Variants in SNX14 observed in about 807,000 individuals in gnomAD.
The protein encoded by SNX14 is sorting nexin 14, also known as sorting nexin-14.
A neutral mutation model predicts 133.8 loss-of-function variants in SNX14; 93 were observed. That is an observed-to-expected ratio of 0.70 (90% CI 0.59 to 0.83). The LOEUF is 0.83. Among genes scored for constraint, SNX14 ranks in the 40% least tolerant of loss-of-function variants. The probability of loss-of-function intolerance (pLI) is 0.00; values close to 1 mark genes in which losing one functional copy is unlikely to be tolerated. For missense variants in SNX14, 945 were observed against 1,094.9 expected (o/e 0.86, Z 1.93); for synonymous variants, 368 against 365.6 (o/e 1.01, Z -0.07).
At chr6:85,588,871 G>A (rs898920094) in intron 1 of SNX14, 10 of 454,770 alleles carry the variant, frequency 2.2e-5, no homozygotes, top group Non-Finnish European at 4.4e-5. Flanking sequence ...ACTATTAAGT[G>A]GAAGTGGATT....
intron 8 of SNX14, among the ~76,000 whole-genome samples, chr6:85,549,168 T>C (rs1226650398): frequency 6.6e-6 from 1 of 151,956 alleles, no homozygotes; most frequent in Non-Finnish European, 1.5e-5. Context: ...AAACAAAAAG[T>C]AGTATTTAAA....
In SNX14 at chr6:85,572,136, C is replaced by A. The variant is rs1795823579; in HGVS notation, c.417+1G>T. On this transcript the variant is annotated splice_donor_variant, in intron 4 of 28. Transcript: ENST00000314673. LOFTEE classifies it high-confidence loss of function. ...TTAATAATATTAATTAAATCAGTTACCTCTGAGAGAGATGCATCAACCTTG... is the reference window on the plus strand; with the variant it reads ...TTAATAATATTAATTAAATCAGTTAACTCTGAGAGAGATGCATCAACCTTG... 2 of 1,610,466 alleles carry A rather than the reference C, an allele frequency of 1.2e-6. No individual in the cohort carries two copies. The highest frequency in any genetic ancestry group is 1.7e-6 in the Non-Finnish European group (2 of 1,178,260).
rs1310667546 is a variant in SNX14, at chr6:85,514,175, G to A, written c.2452C>T (p.Leu818Phe). 1.2e-6 allele frequency: 2 copies of A among 1,613,944 alleles called. No homozygotes were observed. Among genetic ancestry groups the A allele is most frequent in the Non-Finnish European group, 1.7e-6 (2 of 1,179,948 alleles). ...LHHLLMGTRI[L>F]FKNTLEMYTD... ...TACATTTCCAGGGTGTTTTTAAAGA[G>A]GATTCGAGTTCCCATTAAGAGATGA... Residue 818 changes from leucine (L) to phenylalanine (F), a missense_variant, in exon 25 of 29, where the codon CTC becomes TTC. Physicochemically the swap from Leu to Phe is conservative, Grantham distance 22. Coordinates refer to ENST00000314673, the MANE Select transcript of SNX14 (RefSeq NM_153816.6).
intron 21 of SNX14, 41 bp downstream of exon 21, chr6:85,526,085 T>C: frequency 1.5e-6 from 2 of 1,302,984 alleles, no homozygotes; most frequent in Non-Finnish European, 2.1e-6. Flanking sequence ...GCTGATTCTT[T>C]TCAGCTTATT....
At chr6:85,559,281 G>C (rs182579135) in intron 6 of SNX14, among the ~76,000 whole-genome samples, 92 of 152,028 alleles carry the variant, frequency 6.1e-4, no homozygotes, top group African/African-American at 2.0e-3. Context: ...ATTTGCCCTT[G>C]GCCACTTGGT....
chr6:85,558,182 A>G (rs1790361148), intron 6 of SNX14, 122 bp from the exon 7 acceptor site: 1 of 583,182 alleles, frequency 1.7e-6, no homozygotes, highest in Non-Finnish European at 3.0e-6. Context: ...TCTTTCAAAA[A>G]TAACACTTTA....
intron 18 of SNX14, among the ~76,000 whole-genome samples, 186 bp from the exon 19 acceptor site, chr6:85,530,461 ATGG>A (rs918254179): frequency 1.1e-4 from 16 of 152,280 alleles, no homozygotes; most frequent in African/African-American, 3.6e-4. Flanking sequence ...TCTTGCCAAC[ATGG>A]TGAAATCCCG....
intron 9 of SNX14, among the ~76,000 whole-genome samples, chr6:85,547,862 T>C (rs1327595125): frequency 1.3e-5 from 2 of 152,212 alleles, no homozygotes; most frequent in African/African-American, 2.4e-5. Context: ...CATCAATGGA[T>C]GAACAGATAA....
At chr6:85,574,529 A>C in intron 1 of SNX14, 151 bp from the exon 2 acceptor site, 1 of 541,962 alleles carries the variant, frequency 1.8e-6, no homozygotes, top group Non-Finnish European at 3.2e-6. Flanking sequence ...TAATGTATTA[A>C]ATACAAGAAT....
At chr6:85,540,876 C>T (rs1783488498) in intron 15 of SNX14, among the ~76,000 whole-genome samples, 1 of 151,336 alleles carries the variant, frequency 6.6e-6, no homozygotes, top group Non-Finnish European at 1.5e-5. Flanking sequence ...TGGAAGGTGT[C>T]TAGATGTTTG....
At chr6:85,515,933 C>T (rs902458711) in intron 23 of SNX14, among the ~76,000 whole-genome samples, 2 of 152,186 alleles carry the variant, frequency 1.3e-5, no homozygotes, top group African/African-American at 2.4e-5. Context: ...TTTATTACAT[C>T]TGTTGACAAT....
chr6:85,518,071 A>G, intron 21 of SNX14, 23 bp from the exon 22 acceptor site: 1 of 1,583,188 alleles, frequency 6.3e-7, no homozygotes, highest in Non-Finnish European at 8.6e-7. Flanking sequence ...GTAAAACATT[A>G]TTTTAGGAAG....
chr6:85,572,088 C>T (rs747420269), intron 4 of SNX14, 49 bp downstream of exon 4: 18 of 1,497,874 alleles, frequency 1.2e-5, no homozygotes, highest in Non-Finnish European at 1.6e-5. Context: ...GAAAATTTTT[C>T]CACAGGCATT....
At position 85,549,808 on chromosome 6, in the gene SNX14, T is replaced by C; in HGVS notation, c.706A>G (p.Ser236Gly). ...AAATAGTGCAATTCATCTCTTCGACTTCTCAAAGCAACATGAAGCTCTGGA... is the reference window on the plus strand; with the variant it reads ...AAATAGTGCAATTCATCTCTTCGACCTCTCAAAGCAACATGAAGCTCTGGA... ...YGPELHVALR[S>G]RRDELHYLRK... The change falls in exon 8 of 29, where the codon AGT (serine) becomes GGT (glycine). Residue 236 changes from serine to glycine, a missense_variant. By Grantham distance (56) the Ser-to-Gly change is moderately conservative (BLOSUM62 0). Around this residue, in one of 3 missense-constraint regions of SNX14, gnomAD observed 514 missense variants for 538.8 expected, o/e 0.95. Coordinates refer to ENST00000314673, the MANE Select transcript of SNX14 (RefSeq NM_153816.6). 2 of 1,614,034 alleles carry C rather than the reference T, an allele frequency of 1.2e-6. No individual in the cohort carries two copies. The highest frequency in any genetic ancestry group is 1.7e-6 in the Non-Finnish European group (2 of 1,179,940).
chr6:85,528,578 T>G (rs551668036), intron 19 of SNX14, among the ~76,000 whole-genome samples: 1 of 152,306 alleles, frequency 6.6e-6, no homozygotes, highest in East Asian at 1.9e-4. Flanking sequence ...AATATTACTC[T>G]TGTAACAATC....
Position 85,526,114 on chromosome 6 carries a change from A to C in SNX14, c.2107+12T>G. ...GCTTATTATCTTATAATGATTCTTT[A>C]AATTGACTTACCAAGATTTACATCT... On this transcript the variant is annotated intron_variant, in intron 21 of 28. Coordinates refer to ENST00000314673, the MANE Select transcript of SNX14 (RefSeq NM_153816.6). The C allele has an allele frequency of 1.4e-6, 2 of 1,475,634 alleles. No homozygotes were observed. The highest frequency in any genetic ancestry group is 1.8e-4 in the Middle Eastern group (1 of 5,618). 91.4% of individuals were successfully genotyped at this position (1,475,634 alleles called of 1,614,324 possible). A position where few individuals can be genotyped will look rare whatever the true frequency, so the allele number is the denominator to read the frequency against.
At chr6:85,514,273 T>C (rs377568125) in intron 24 of SNX14, 39 bp from the exon 25 acceptor site, 9 of 1,565,914 alleles carry the variant, frequency 5.7e-6, no homozygotes, top group African/African-American at 4.1e-5. Flanking sequence ...TTGTTCCAGA[T>C]GAATTGGTAT....
At chr6:85,555,813 A>T (rs1320987495) in intron 7 of SNX14, among the ~76,000 whole-genome samples, 2 of 151,908 alleles carry the variant, frequency 1.3e-5, no homozygotes, top group East Asian at 3.9e-4. Flanking sequence ...AACATGGTGA[A>T]ACCTCATCTC....
At chr6:85,510,687 G>A (rs1027110671) in intron 26 of SNX14, among the ~76,000 whole-genome samples, 3 of 152,078 alleles carry the variant, frequency 2.0e-5, no homozygotes, top group Non-Finnish European at 4.4e-5. Flanking sequence ...AGAAGTCATC[G>A]CCAAACAGAA....
Sources: gnomAD v4.1 joint callset for allele counts (sites outside exome capture counted in the v4.1 genomes callset) on GRCh38, gnomAD v4.1.1 for gene constraint, gnomAD v4.1.1 regional missense constraint, MANE v1.5 for transcripts, NCBI Gene and HGNC (gene_info 2026-07-23, HGNC 2026-07-21) for gene names.